QSOX2: variants seen among roughly 807,000 people sequenced by gnomAD.
QSOX2 encodes quiescin sulfhydryl oxidase 2.
Under a neutral mutation model 61.7 loss-of-function variants are expected in QSOX2, and 46 were observed. The observed-to-expected ratio is 0.75, with a 90% CI of 0.59 to 0.95. QSOX2 has a LOEUF of 0.95. QSOX2 is among the 40% of genes least tolerant of loss of function. The pLI is 0.00. For synonymous variants in QSOX2, 383 were observed against 388.4 expected (o/e 0.99, Z 0.16); for missense variants, 879 against 918.9 (o/e 0.96, Z 0.56).
chr9:136,243,874 T>C (rs1830450797), intron 1 of QSOX2, among the ~76,000 whole-genome samples: 1 of 152,176 alleles, frequency 6.6e-6, no homozygotes, highest in African/African-American at 2.4e-5. Flanking sequence ...TCAGCCTCAC[T>C]AAAGGAGGCT....
At position 136,223,658 on chromosome 9, in the gene QSOX2, A is replaced by G. The variant is rs1035690275; in HGVS notation, c.675+105T>C. 1.0e-5 allele frequency: 8 copies of G among 800,772 alleles called. No homozygotes were observed. The highest frequency in any genetic ancestry group is 2.5e-5 in the East Asian group (1 of 39,934). 49.6% of individuals were successfully genotyped at this position (800,772 alleles called of 1,614,324 possible). ...CAAGACCTAAAGCCACAGACAGGAC[A>G]CGAGATGCCGACACAGTGACCGGCA... On this transcript the variant is annotated intron_variant, in intron 5 of 11. Coordinates refer to ENST00000358701, the MANE Select transcript of QSOX2 (RefSeq NM_181701.4). The surrounding 1 kb of genome is among the most constrained non-coding windows in gnomAD (Gnocchi z 4.4).
Position 136,209,747 on chromosome 9 carries a change from G to A in QSOX2, c.1550-472C>T. On this transcript the variant is annotated intron_variant, in intron 11 of 11. Coordinates refer to ENST00000358701, the MANE Select transcript of QSOX2 (RefSeq NM_181701.4). The surrounding 1 kb of genome is among the most constrained non-coding windows in gnomAD (Gnocchi z 5.6). ...CCCGGCCACCTGGGTGCTATGGACA[G>A]TGGGCCTTAGGTGCACCTTCAGGAA... The A allele has an allele frequency of 4.1e-6, 4 of 985,060 alleles. No individual in the cohort carries two copies. Among genetic ancestry groups the A allele is most frequent in the Non-Finnish European group, 4.8e-6 (4 of 829,780 alleles). 61.0% of individuals were successfully genotyped at this position (985,060 alleles called of 1,614,324 possible).
intron 9 of QSOX2, among the ~76,000 whole-genome samples, chr9:136,216,081 A>G (rs1049351887): frequency 6.6e-6 from 1 of 152,216 alleles, no homozygotes; most frequent in African/African-American, 2.4e-5. Flanking sequence ...CGGGCGTCGG[A>G]CAAGCAGCAC....
chr9:136,214,792 A>G (rs756394574), intron 10 of QSOX2, among the ~76,000 whole-genome samples: 4 of 152,248 alleles, frequency 2.6e-5, no homozygotes, highest in Admixed American at 6.5e-5. Flanking sequence ...TTTGTTATAC[A>G]ACAGCTGATA....
rs1377624581 is a variant in QSOX2, at chr9:136,208,419, T to C, written c.*309A>G. ...GTGGGGAAGACTATCTGGCCTGGAC[T>C]CTGCACCCTCTTTTCACATCTAGAA... is the stretch of plus-strand genomic sequence containing the variant. On this transcript the variant is annotated 3_prime_UTR_variant, in exon 12 of 12. Transcript: ENST00000358701. 7.3e-6 allele frequency: 2 copies of C among 274,320 alleles called. No homozygotes were observed. The highest frequency in any genetic ancestry group is 2.2e-5 in the African/African-American group (1 of 45,238). The allele number at this position is 274,320 out of a possible 1,614,324, so 17.0% of individuals were successfully genotyped here.
In QSOX2 at chr9:136,245,807, G is replaced by A. The variant is rs534829451; in HGVS notation, c.-4C>T. ...CCGCCGCCCCGGCCGCCGCCATGTTGGAAGTGCCGCCGGCGCGCTGAACTT... is the reference window on the plus strand; with the variant it reads ...CCGCCGCCCCGGCCGCCGCCATGTTAGAAGTGCCGCCGGCGCGCTGAACTT... On this transcript the variant is annotated 5_prime_UTR_variant, in exon 1 of 12. Transcript: ENST00000358701. The A allele has an allele frequency of 2.6e-4, 302 of 1,152,398 alleles. 2 individuals are homozygous for A. In the East Asian group the frequency reaches 7.3e-3, roughly 28 times the overall value. 71.4% of individuals were successfully genotyped at this position (1,152,398 alleles called of 1,614,324 possible). A position where few individuals can be genotyped will look rare whatever the true frequency, so the allele number is the denominator to read the frequency against.
rs1254734042 is a variant in QSOX2 at position 136,222,908 on chromosome 9, A to G, written c.675+855T>C. ...AGCCACACACTGCTAGCGGTTCCTC[A>G]GCCCTCCACAGAGAATCCTGGCCAA... On this transcript the variant is annotated intron_variant, in intron 5 of 11. Transcript: ENST00000358701. This position sits in a 1 kb window ranked among gnomAD's most constrained non-coding sequence, Gnocchi z 6.9. 6.6e-6 allele frequency among the ~76,000 whole-genome samples: 1 copy of G among 152,170 alleles called. No homozygotes were observed. Among genetic ancestry groups the G allele is most frequent in the Non-Finnish European group, 1.5e-5 (1 of 68,026 alleles).
chr9:136,241,398 G>A (rs1257878906), intron 1 of QSOX2, among the ~76,000 whole-genome samples: 1 of 152,146 alleles, frequency 6.6e-6, no homozygotes, highest in African/African-American at 2.4e-5. Context: ...GAGCCTGTGG[G>A]GAACACCAAG....
At chr9:136,220,796 G>A (rs902469303) in intron 6 of QSOX2, among the ~76,000 whole-genome samples, 2 of 151,720 alleles carry the variant, frequency 1.3e-5, no homozygotes, top group Non-Finnish European at 2.9e-5. Flanking sequence ...TTGCAGCCTT[G>A]ACCTTTGAGG....
At chr9:136,236,674 C>G (rs1017786591) in intron 1 of QSOX2, among the ~76,000 whole-genome samples, 2 of 152,238 alleles carry the variant, frequency 1.3e-5, no homozygotes, top group Non-Finnish European at 2.9e-5. Context: ...GAAGCCCGTC[C>G]TGTGCCAGCG....
intron 6 of QSOX2, among the ~76,000 whole-genome samples, chr9:136,219,597 T>C (rs895969662): frequency 1.3e-5 from 2 of 152,120 alleles, no homozygotes; most frequent in African/African-American, 4.8e-5. Context: ...CCCTCCCTGA[T>C]GTCAGGCCCC....
At chr9:136,224,158 C>T (rs758151182) in intron 3 of QSOX2, 46 bp from the exon 4 acceptor site, 49 of 1,491,134 alleles carry the variant, frequency 3.3e-5, no homozygotes, top group Non-Finnish European at 4.2e-5. Context: ...CGGCTGTCCT[C>T]GTGGGGCAGG....
intron 1 of QSOX2, among the ~76,000 whole-genome samples, chr9:136,241,326 T>C (rs548029249): frequency 6.6e-6 from 1 of 152,362 alleles, no homozygotes; most frequent in African/African-American, 2.4e-5. Context: ...AAATGCCCGC[T>C]GACACCTGCA....
chr9:136,211,838 G>A (rs1173575612), intron 10 of QSOX2, among the ~76,000 whole-genome samples: 1 of 152,228 alleles, frequency 6.6e-6, no homozygotes, highest in Non-Finnish European at 1.5e-5. Flanking sequence ...CTCTTCCCCG[G>A]GATTTGCCAG....
chr9:136,240,132 C>A (rs2131070646), intron 1 of QSOX2, among the ~76,000 whole-genome samples: 1 of 152,292 alleles, frequency 6.6e-6, no homozygotes, highest in African/African-American at 2.4e-5. Flanking sequence ...CCCAGCACAG[C>A]CAGGGGGTTC....
chr9:136,209,922 C>T lies in QSOX2; in HGVS notation c.1550-647G>A, dbSNP rs967219369. ...ACAGGCATCCGTCATGCAGAAGCTGCGGCGCACGGCGCCTCCTAGCTCTCG... is the reference window on the plus strand; with the variant it reads ...ACAGGCATCCGTCATGCAGAAGCTGTGGCGCACGGCGCCTCCTAGCTCTCG... On this transcript the variant is annotated intron_variant, in intron 11 of 11. Coordinates refer to ENST00000358701, the MANE Select transcript of QSOX2 (RefSeq NM_181701.4). This position sits in a 1 kb window ranked among gnomAD's most constrained non-coding sequence, Gnocchi z 5.6. 30 of 985,282 alleles carry T rather than the reference C, an allele frequency of 3.0e-5. No individual in the cohort carries two copies. The highest frequency in any genetic ancestry group is 1.1e-4 in the East Asian group (1 of 8,774). 61.0% of individuals were successfully genotyped at this position (985,282 alleles called of 1,614,324 possible).
In QSOX2 at chr9:136,215,292, A is replaced by G. The variant is rs1361101645; in HGVS notation, c.1222T>C (p.Phe408Leu). Reference sequence around the variant, plus strand: ...ACCCACTTTATGTGATTAGTAAGGAATATTCCAGAAATCTGAAAAACAAAC... The same window carrying G: ...ACCCACTTTATGTGATTAGTAAGGAGTATTCCAGAAATCTGAAAAACAAAC... ...VNNKMRISGI[F>L]LTNHIKWVGC... The change falls in exon 10 of 12, where the codon TTC (phenylalanine) becomes CTC (leucine). Residue 408 changes from phenylalanine to leucine, a missense_variant. By Grantham distance (22) the Phe-to-Leu change is conservative. Coordinates refer to ENST00000358701, the MANE Select transcript of QSOX2 (RefSeq NM_181701.4). 3 of 1,610,626 alleles carry G rather than the reference A, an allele frequency of 1.9e-6. No individual in the cohort carries two copies. The highest frequency in any genetic ancestry group is 2.5e-6 in the Non-Finnish European group (3 of 1,179,124).
In QSOX2 at chr9:136,234,095, A is replaced by T. The variant is rs10114651; in HGVS notation, c.329-7221T>A. ...CCTGGCCGGGACAAAGGCCTTCACG[A>T]GGCTCCACCTGGGGCAGCCTGGCCA... On this transcript the variant is annotated intron_variant, in intron 1 of 11. Transcript: ENST00000358701. 7.5e-3 allele frequency among the ~76,000 whole-genome samples: 1,105 copies of T among 148,290 alleles called. 15 individuals carry two copies. The highest frequency in any genetic ancestry group is 0.027 in the African/African-American group (1,049 of 38,302).
chr9:136,218,599 G>A (rs940188156), intron 8 of QSOX2, 80 bp downstream of exon 8: 31 of 1,496,396 alleles, frequency 2.1e-5, no homozygotes, highest in East Asian at 9.4e-5. Flanking sequence ...CGGAGCCCCC[G>A]CAGTGTCCGA....
Sources: gnomAD v4.1 joint callset for allele counts (sites outside exome capture counted in the v4.1 genomes callset) on GRCh38, gnomAD v4.1.1 for gene constraint, Gnocchi (gnomAD v3.1) non-coding constraint, MANE v1.5 for transcripts, NCBI Gene and HGNC (gene_info 2026-07-23, HGNC 2026-07-21) for gene names.